TMEM200C: variants seen among roughly 807,000 people sequenced by gnomAD.
TMEM200C encodes the protein transmembrane protein TTMA.
For synonymous variants in TMEM200C, 462 were observed against 324.7 expected, an observed-to-expected ratio of 1.42 and a Z score of -4.55; for missense variants, 966 against 699.9, an observed-to-expected ratio of 1.38 and a Z score of -4.29.
At chr18:5,895,461 G>A (rs901816662) in exon 2 of TMEM200C, 1 of 149,940 alleles carries the variant, frequency 6.7e-6, no homozygotes, top group African/African-American at 2.4e-5. Context: ...GGCTCGGGGC[G>A]GCCGGACTGG....
exon 3 of TMEM200C, chr18:5,890,261 G>C (rs766368798): frequency 1.3e-6 from 2 of 1,591,634 alleles, no homozygotes; most frequent in South Asian, 1.2e-5. Context: ...AAATCATGAT[G>C]AGTTTCTCCT....
rs956931408 is a variant in TMEM200C at position 5,890,345 on chromosome 18, G to A, written c.1719C>T (p.Ser573=). ...GCTCCTGGCTGGCACCCTCCGGCGA[G>A]CTCTGCTCCGCACCCAGAACGGGGG... The change falls in exon 3 of 3, where the codon AGC becomes AGT. Residue 573 remains serine (S), a synonymous_variant. Coordinates refer to ENST00000581347, the Ensembl canonical transcript of TMEM200C. 4.4e-6 allele frequency: 7 copies of A among 1,601,562 alleles called. No individual in the cohort carries two copies. In the South Asian group the frequency reaches 6.8e-5, roughly 16 times the overall value.
Position 5,891,875 on chromosome 18 carries a change from C to T in TMEM200C, c.189G>A (p.Leu63=). The T allele has an allele frequency of 1.2e-6, 2 of 1,611,726 alleles. No homozygotes were observed. The highest frequency in any genetic ancestry group is 1.1e-5 in the South Asian group (1 of 91,078). ...CCACCGCCATGGCTATGCCCACCAG[C>T]AGCACCAGGATCCCACAGAGGGCGA... Residue 63 remains leucine (L), a synonymous_variant, in exon 3 of 3, where the codon CTG becomes CTA. Coordinates refer to ENST00000581347, the Ensembl canonical transcript of TMEM200C. This position sits in a 1 kb window ranked among gnomAD's most constrained non-coding sequence, Gnocchi z 4.7.
chr18:5,884,145 T>C (rs2095163730), exon 3 of TMEM200C: 1 of 152,198 alleles, frequency 6.6e-6, no homozygotes, highest in South Asian at 2.1e-4. Flanking sequence ...GACATCTATT[T>C]ATCTATATCT....
chr18:5,883,377 G>T (rs931201556), exon 3 of TMEM200C: 7 of 151,938 alleles, frequency 4.6e-5, no homozygotes, highest in African/African-American at 1.7e-4. Context: ...GCAGCTTTGT[G>T]CATAAACAAA....
chr18:5,894,252 AG>A (rs2095173847), intron 2 of TMEM200C, among the ~76,000 whole-genome samples: 1 of 152,184 alleles, frequency 6.6e-6, no homozygotes, highest in African/African-American at 2.4e-5. Context: ...AATGTAAGGA[AG>A]GTTGGAATGG....
chr18:5,882,977 A>G (rs1469473684), exon 3 of TMEM200C: 1 of 152,140 alleles, frequency 6.6e-6, no homozygotes, highest in Admixed American at 6.5e-5. Flanking sequence ...CAAGAATTCT[A>G]TGTGCTTCCT....
At chr18:5,885,778 A>C (rs1269951225) in exon 3 of TMEM200C, 1 of 152,180 alleles carries the variant, frequency 6.6e-6, no homozygotes, top group Non-Finnish European at 1.5e-5. Flanking sequence ...TTTTTGAAGA[A>C]AAAACCCCAA....
At chr18:5,892,089 G>C (rs770648782) in exon 3 of TMEM200C, 3 of 1,598,214 alleles carry the variant, frequency 1.9e-6, no homozygotes, top group Non-Finnish European at 2.6e-6. Flanking sequence ...TGCAGGACTA[G>C]CCTCTGGGAT....
At chr18:5,893,868 A>T (rs567810631) in intron 2 of TMEM200C, among the ~76,000 whole-genome samples, 2 of 152,276 alleles carry the variant, frequency 1.3e-5, no homozygotes, top group African/African-American at 4.8e-5. Context: ...TAGAGAATAC[A>T]TCTATAAACC....
exon 3 of TMEM200C, chr18:5,890,954 G>A (rs2095170085): frequency 4.5e-6 from 3 of 663,966 alleles, no homozygotes; most frequent in Non-Finnish European, 5.4e-6. Context: ...AGTCCACGAA[G>A]GAGCTGGCCG....
intron 2 of TMEM200C, among the ~76,000 whole-genome samples, chr18:5,892,383 T>G (rs2095172207): frequency 6.6e-6 from 1 of 152,202 alleles, no homozygotes; most frequent in Non-Finnish European, 1.5e-5. Flanking sequence ...TTGCAATAAC[T>G]AATATGTGGT....
chr18:5,885,630 G>C (rs1391648455), exon 3 of TMEM200C: 2 of 152,180 alleles, frequency 1.3e-5, no homozygotes, highest in African/African-American at 4.8e-5. Context: ...ATGAACGGAT[G>C]GCATACAGAA....
chr18:5,890,722 C>G, exon 3 of TMEM200C: 1 of 527,606 alleles, frequency 1.9e-6, no homozygotes, highest in Non-Finnish European at 3.3e-6. Context: ...GCGGCGCGCG[C>G]CGCTACCGCG....
intron 1 of TMEM200C, 87 bp from the exon 1 acceptor site, chr18:5,895,609 C>A (rs1023854587): frequency 1.4e-5 from 2 of 147,010 alleles, no homozygotes; most frequent in Admixed American, 6.7e-5. Flanking sequence ...GCGCCCCCCC[C>A]CACGCCGCCG....
intron 2 of TMEM200C, among the ~76,000 whole-genome samples, 186 bp downstream of exon 1, chr18:5,894,844 C>A (rs551731376): frequency 2.0e-5 from 3 of 152,356 alleles, no homozygotes; most frequent in Admixed American, 6.5e-5. Flanking sequence ...TGAGGGCAAT[C>A]CTGAACTAGC....
chr18:5,890,279 A>G, exon 3 of TMEM200C: 1 of 1,597,394 alleles, frequency 6.3e-7, no homozygotes, highest in Non-Finnish European at 8.5e-7. Flanking sequence ...CCTTGTTTGT[A>G]AACTGCCTCT....
upstream of TMEM200C, among the ~76,000 whole-genome samples, chr18:5,896,135 C>G (rs1346607680): frequency 2.0e-5 from 3 of 152,160 alleles, no homozygotes; most frequent in Admixed American, 6.5e-5. Flanking sequence ...GGAGCCGCCC[C>G]CGCCGGGACG....
chr18:5,883,973 T>C (rs911128410), exon 3 of TMEM200C: 1 of 152,176 alleles, frequency 6.6e-6, no homozygotes, highest in Non-Finnish European at 1.5e-5. Context: ...ATTTAGTTTG[T>C]TAGTTCTATG....
Sources: gnomAD v4.1 joint callset for allele counts (sites outside exome capture counted in the v4.1 genomes callset) on GRCh38, gnomAD v4.1.1 for gene constraint, Gnocchi (gnomAD v3.1) non-coding constraint, MANE v1.5 for transcripts, NCBI Gene and HGNC (gene_info 2026-07-23, HGNC 2026-07-21) for gene names.